The following KDM4C variants were observed in gnomAD, a reference collection of about 807,000 sequenced individuals.
KDM4C encodes lysine-specific demethylase 4C.
Under a neutral mutation model 129.3 loss-of-function variants are expected in KDM4C, and 81 were observed. The observed-to-expected ratio is 0.63, with a 90% CI of 0.52 to 0.75. The LOEUF is 0.75. Among genes scored for constraint, KDM4C ranks in the 30% least tolerant of loss-of-function variants. The pLI is 0.00. For missense variants in KDM4C, 1,457 were observed against 1,304.0 expected, an observed-to-expected ratio of 1.12 and a Z score of -1.81; for synonymous variants, 573 against 456.1, an observed-to-expected ratio of 1.26 and a Z score of -3.26.
intron 20 of KDM4C, among the ~76,000 whole-genome samples, chr9:7,168,047 A>G (rs1844581753): frequency 1.3e-5 from 2 of 152,136 alleles, no homozygotes; most frequent in South Asian, 4.1e-4. Context: ...TTAGCCAGGC[A>G]TGGTTGGCGG....
chr9:6,877,607 A>G (rs527313288), intron 5 of KDM4C, among the ~76,000 whole-genome samples: 2 of 152,204 alleles, frequency 1.3e-5, no homozygotes, highest in African/African-American at 4.8e-5. Flanking sequence ...ATAATTGATT[A>G]AAAGAATAGT....
At chr9:7,083,032 T>A (rs1834716180) in intron 17 of KDM4C, among the ~76,000 whole-genome samples, 1 of 152,214 alleles carries the variant, frequency 6.6e-6, no homozygotes, top group African/African-American at 2.4e-5. Context: ...TTTTTTAAAT[T>A]ATTTATCGAA....
intron 15 of KDM4C, among the ~76,000 whole-genome samples, chr9:7,038,360 T>C (rs1194774711): frequency 2.0e-5 from 3 of 152,040 alleles, no homozygotes; most frequent in Admixed American, 1.3e-4. Context: ...TTCAGCTCTT[T>C]TCTATGTATT....
rs771376714 is a variant in KDM4C at position 6,893,112 on chromosome 9, A to G, written c.801A>G (p.Gly267=). The change falls in exon 8 of 22, where the codon GGA becomes GGG. Residue 267 remains glycine (G), a synonymous_variant. Coordinates refer to ENST00000381309, the MANE Select transcript of KDM4C (RefSeq NM_015061.6). ...CCTTGCAGATAACCCAGGAGGCTGG[A>G]GAATTCATGATCACTTTCCCATATG... The part of the protein sequence containing the change: ...IPFDKITQEA[G]EFMITFPYGY... 27 of 1,588,730 alleles carry G rather than the reference A, an allele frequency of 1.7e-5. No individual in the cohort carries two copies. The highest frequency in any genetic ancestry group is 2.3e-5 in the Non-Finnish European group (27 of 1,167,190).
intron 17 of KDM4C, among the ~76,000 whole-genome samples, chr9:7,075,333 C>T (rs920960466): frequency 3.3e-5 from 5 of 152,162 alleles, no homozygotes; most frequent in Non-Finnish European, 5.9e-5. Flanking sequence ...TGTGTTTTGT[C>T]TCTGCCAAAA....
chr9:7,150,495 C>G (rs921477771), intron 19 of KDM4C, among the ~76,000 whole-genome samples: 43 of 152,206 alleles, frequency 2.8e-4, no homozygotes, highest in African/African-American at 9.9e-4. Context: ...CCAGCTGGAT[C>G]TGAATCCTTG....
At chr9:6,863,810 AAAGAG>A (rs1563717705) in intron 5 of KDM4C, among the ~76,000 whole-genome samples, 2 of 146,236 alleles carry the variant, frequency 1.4e-5, no homozygotes, top group Non-Finnish European at 1.5e-5. Context: ...AAAAAAAAAA[AAAGAG>A]AGAGAGAAGG....
intron 4 of KDM4C, chr9:6,834,807 A>T: frequency 1.5e-6 from 2 of 1,369,480 alleles, no homozygotes; most frequent in South Asian, 1.2e-5. Flanking sequence ...AGCCGCGAGA[A>T]GATGACCCAG....
At position 7,124,654 on chromosome 9, in the gene KDM4C, T is replaced by C. The variant is rs1420773211; in HGVS notation, c.2611-3412T>C. Among the ~76,000 whole-genome samples the C allele has an allele frequency of 3.3e-5, 5 of 152,352 alleles. No individual in the cohort carries two copies. The South Asian group carries it at 1.0e-3, about 32-fold the overall frequency. ...TATATGTTATATACTGTCACCTAGC[T>C]GTTAAAGATTTCTACTTCAAGTATA... On this transcript the variant is annotated intron_variant, in intron 18 of 21. Coordinates refer to ENST00000381309, the MANE Select transcript of KDM4C (RefSeq NM_015061.6).
chr9:6,861,615 A>G (rs997251220), intron 5 of KDM4C, among the ~76,000 whole-genome samples: 1 of 152,128 alleles, frequency 6.6e-6, no homozygotes, highest in African/African-American at 2.4e-5. Flanking sequence ...ACATACCTCA[A>G]ACTTAATATA....
intron 1 of KDM4C, among the ~76,000 whole-genome samples, chr9:6,789,333 G>C (rs534706471): frequency 6.8e-6 from 1 of 148,048 alleles, no homozygotes; most frequent in Admixed American, 6.9e-5. Context: ...CAATTCTCCC[G>C]CCTCAGCCTC....
At chr9:6,772,927 C>T (rs575646341) in intron 1 of KDM4C, among the ~76,000 whole-genome samples, 24 of 151,346 alleles carry the variant, frequency 1.6e-4, no homozygotes, top group South Asian at 4.2e-4. Context: ...AACTCTTGAC[C>T]GCAGGTGATC....
chr9:6,965,112 C>T (rs956813068), intron 8 of KDM4C, among the ~76,000 whole-genome samples: 1 of 151,542 alleles, frequency 6.6e-6, no homozygotes, highest in Non-Finnish European at 1.5e-5. Flanking sequence ...GCTTTGTTTC[C>T]CATTACTCTT....
chr9:7,159,704 G>A (rs1182731738), intron 19 of KDM4C, among the ~76,000 whole-genome samples: 2 of 152,202 alleles, frequency 1.3e-5, no homozygotes, highest in African/African-American at 2.4e-5. Context: ...GAGATCTGCT[G>A]TTAGTCTGAT....
chr9:6,925,048 A>G, intron 8 of KDM4C: 1 of 985,392 alleles, frequency 1.0e-6, no homozygotes, highest in Non-Finnish European at 1.2e-6. Context: ...GTGTATAAGA[A>G]TGAACATTCA....
At chr9:7,014,953 C>CACACACA (rs757152128) in intron 14 of KDM4C, among the ~76,000 whole-genome samples, 1 of 146,606 alleles carries the variant, frequency 6.8e-6, no homozygotes, top group African/African-American at 2.5e-5. Context: ...CACACACACA[C>CACACACA]CTTACATTAT....
chr9:6,810,721 A>G (rs1371022598), intron 3 of KDM4C, among the ~76,000 whole-genome samples: 1 of 152,014 alleles, frequency 6.6e-6, no homozygotes, highest in East Asian at 1.9e-4. Context: ...AAAATAAAAA[A>G]TTAGCCATGC....
At chr9:6,782,714 C>T (rs1194373889) in intron 1 of KDM4C, among the ~76,000 whole-genome samples, 2 of 152,126 alleles carry the variant, frequency 1.3e-5, no homozygotes, top group Non-Finnish European at 2.9e-5. Context: ...AGATTCATGG[C>T]TCCATACTGG....
At chr9:6,962,461 G>A (rs966317533) in intron 8 of KDM4C, among the ~76,000 whole-genome samples, 5 of 152,088 alleles carry the variant, frequency 3.3e-5, no homozygotes, top group African/African-American at 1.2e-4. Flanking sequence ...TAATCAGACC[G>A]TATGAAGTCA....
Sources: gnomAD v4.1 joint callset for allele counts (sites outside exome capture counted in the v4.1 genomes callset) on GRCh38, gnomAD v4.1.1 for gene constraint, MANE v1.5 for transcripts, NCBI Gene and HGNC (gene_info 2026-07-23, HGNC 2026-07-21) for gene names.